KDM3A: variants seen among roughly 807,000 people sequenced by gnomAD.
KDM3A encodes lysine demethylase 3A, also known as lysine-specific demethylase 3A.
A neutral mutation model predicts 158.0 loss-of-function variants in KDM3A; 60 were observed. The observed-to-expected ratio is 0.38, with a 90% confidence interval of 0.31 to 0.47. The LOEUF (loss-of-function observed/expected upper bound fraction) is 0.47, where lower values mean the gene tolerates loss of function less well. KDM3A is among the 20% of genes least tolerant of loss of function. The pLI, the probability that KDM3A is intolerant of heterozygous loss-of-function variation, is 0.99. For synonymous variants in KDM3A, 608 were observed against 549.3 expected, an observed-to-expected ratio of 1.11 and a Z score of -1.49; for missense variants, 1,319 against 1,574.3, an observed-to-expected ratio of 0.84 and a Z score of 2.74.
chr2:86,469,042 C>A (rs1673281950), intron 10 of KDM3A, among the ~76,000 whole-genome samples: 1 of 152,156 alleles, frequency 6.6e-6, no homozygotes. Context: ...CATCCTTGAA[C>A]TACTAATCTC....
Position 86,448,212 on chromosome 2 carries a change from G to A in KDM3A, c.187-1595G>A, listed in dbSNP as rs907175446. On this transcript the variant is annotated intron_variant, in intron 2 of 25. Coordinates refer to ENST00000312912, the MANE Select transcript of KDM3A (RefSeq NM_018433.6). Reference sequence around the variant, plus strand: ...AGGTAAAGTCGCCTGGGAGGTTAGGGATGCATGTTTTGTTGGCTGAGAAGG... The same window carrying A: ...AGGTAAAGTCGCCTGGGAGGTTAGGAATGCATGTTTTGTTGGCTGAGAAGG... 2.0e-5 allele frequency among the ~76,000 whole-genome samples: 3 copies of A among 152,212 alleles called. 1 individual carries two copies. The South Asian group carries it at 6.2e-4, about 31-fold the overall frequency.
At chr2:86,476,466 C>T (rs1673664388) in intron 12 of KDM3A, among the ~76,000 whole-genome samples, 1 of 152,160 alleles carries the variant, frequency 6.6e-6, no homozygotes, top group Non-Finnish European at 1.5e-5. Context: ...TCCTGTTGCT[C>T]TTTCTTTTCT....
At chr2:86,484,739 A>T (rs1674101082) in intron 19 of KDM3A, 1 of 494,074 alleles carries the variant, frequency 2.0e-6, no homozygotes, top group African/African-American at 1.9e-5. Flanking sequence ...ATTTTTTTAC[A>T]CTGCAGAAAT....
chr2:86,489,283 T>C, intron 21 of KDM3A, 35 bp from the exon 22 acceptor site: 1 of 1,602,926 alleles, frequency 6.2e-7, no homozygotes, highest in Non-Finnish European at 8.5e-7. Context: ...GCCTTTGTTG[T>C]CTTTTGTAAA....
intron 21 of KDM3A, chr2:86,487,528 G>A (rs1674239000): frequency 6.6e-6 from 1 of 152,192 alleles, no homozygotes; most frequent in South Asian, 2.1e-4. Context: ...AGGACTTGCG[G>A]ACAGTAGAAG....
intron 3 of KDM3A, among the ~76,000 whole-genome samples, chr2:86,450,591 G>A (rs1672415337): frequency 6.6e-6 from 1 of 152,226 alleles, no homozygotes; most frequent in Non-Finnish European, 1.5e-5. Flanking sequence ...TATGGGACTT[G>A]AGCTGGTGCT....
intron 16 of KDM3A, among the ~76,000 whole-genome samples, chr2:86,481,007 T>C (rs1001403921): frequency 2.0e-5 from 3 of 152,142 alleles, no homozygotes; most frequent in Non-Finnish European, 4.4e-5. Flanking sequence ...GTAAGACAAT[T>C]AGCAAGTGGC....
chr2:86,471,034 G>T (rs1011822096), intron 11 of KDM3A, among the ~76,000 whole-genome samples: 17 of 152,128 alleles, frequency 1.1e-4, no homozygotes, highest in African/African-American at 3.4e-4. Context: ...GTCAGAAGGT[G>T]TGTGTGTTTT....
chr2:86,455,247 A>G (rs533854706), intron 5 of KDM3A, 60 bp downstream of exon 5: 27 of 936,932 alleles, frequency 2.9e-5, no homozygotes, highest in Non-Finnish European at 4.1e-5. Context: ...CTTGTGAGAA[A>G]CTAGGGTTTA....
At chr2:86,457,764 A>G (rs550715776) in intron 8 of KDM3A, among the ~76,000 whole-genome samples, 3 of 152,188 alleles carry the variant, frequency 2.0e-5, no homozygotes, top group Non-Finnish European at 4.4e-5. Flanking sequence ...TTAATTGGTC[A>G]TTTATGATTG....
At chr2:86,439,936 C>T (rs190821059), upstream of KDM3A, among the ~76,000 whole-genome samples, 169 of 152,268 alleles carry the variant, frequency 1.1e-3, 1 homozygote, top group Non-Finnish European at 1.4e-3. Flanking sequence ...TGCTTATGGT[C>T]AATTTATAGC....
At chr2:86,437,163 CAG>C (rs1682506583), upstream of KDM3A, among the ~76,000 whole-genome samples, 1 of 150,904 alleles carries the variant, frequency 6.6e-6, no homozygotes, top group African/African-American at 2.4e-5. Flanking sequence ...TTTTTTGAGA[CAG>C]AGTCTTGCTT....
At position 86,459,728 on chromosome 2, in the gene KDM3A, CT is replaced by C. The variant is rs562164426; in HGVS notation, c.843+2658del. ...GCATATAGACATATATGATATGATCCTGTCTCCTTGATTCAAATTCTTGCAA... is the reference window on the plus strand; with the variant it reads ...GCATATAGACATATATGATATGATCCGTCTCCTTGATTCAAATTCTTGCAA... On this transcript the variant is annotated intron_variant, in intron 8 of 25. Coordinates refer to ENST00000312912, the MANE Select transcript of KDM3A (RefSeq NM_018433.6). Among the ~76,000 whole-genome samples, 940 of 152,218 alleles carry C rather than the reference CT, an allele frequency of 6.2e-3. 6 individuals are homozygous for C. The highest frequency in any genetic ancestry group is 0.02 in the Middle Eastern group (6 of 294).
At chr2:86,479,608 A>G (rs1308984736) in intron 15 of KDM3A, 4 of 152,204 alleles carry the variant, frequency 2.6e-5, no homozygotes, top group South Asian at 2.1e-4. Context: ...CTTCTTATGT[A>G]TGTATAAACT....
In KDM3A at chr2:86,481,857, T is replaced by C. The variant is rs757313030; in HGVS notation, c.2513-73T>C. On this transcript the variant is annotated intron_variant, in intron 16 of 25. Coordinates refer to ENST00000312912, the MANE Select transcript of KDM3A (RefSeq NM_018433.6). ...TAGAAAGCAAGTTCTAAAGTAATTC[T>C]GCTAGTAGAATACTAATAAGGGATT... The C allele has an allele frequency of 3.5e-5, 40 of 1,146,936 alleles. No homozygotes were observed. The Admixed American group carries it at 7.1e-4, about 20-fold the overall frequency. 71.0% of individuals were successfully genotyped at this position (1,146,936 alleles called of 1,614,324 possible).
Position 86,456,629 on chromosome 2 carries a change from T to C in KDM3A, c.681+63T>C, listed in dbSNP as rs1672710853. The stretch of plus-strand genomic sequence containing the variant: ...AAAGCATGATAACTATACAAAGCAT[T>C]TATGATTTTCTAGGCACTAAATACC... On this transcript the variant is annotated intron_variant, in intron 6 of 25. Coordinates refer to ENST00000312912, the MANE Select transcript of KDM3A (RefSeq NM_018433.6). 4 of 1,503,404 alleles carry C rather than the reference T, an allele frequency of 2.7e-6. No homozygotes were observed. The East Asian group carries it at 6.8e-5, about 26-fold the overall frequency. 93.1% of individuals were successfully genotyped at this position (1,503,404 alleles called of 1,614,324 possible). A position where few individuals can be genotyped will look rare whatever the true frequency, so the allele number is the denominator to read the frequency against.
intron 11 of KDM3A, among the ~76,000 whole-genome samples, chr2:86,474,132 C>T (rs900675256): frequency 3.3e-5 from 5 of 152,270 alleles, no homozygotes; most frequent in African/African-American, 1.2e-4. Context: ...TTTCCTTGCT[C>T]TTAAGTGTCA....
At chr2:86,451,951 CATT>C (rs760938892) in intron 4 of KDM3A, among the ~76,000 whole-genome samples, 10 of 152,162 alleles carry the variant, frequency 6.6e-5, no homozygotes, top group Non-Finnish European at 1.5e-4. Context: ...AAGCAATCCT[CATT>C]ATTTGTAGAT....
At chr2:86,486,203 G>A (rs973973370) in intron 21 of KDM3A, among the ~76,000 whole-genome samples, 1 of 152,114 alleles carries the variant, frequency 6.6e-6, no homozygotes, top group Non-Finnish European at 1.5e-5. Context: ...TTCAGTGTTC[G>A]GACATTTAGG....
Sources: allele counts gnomAD v4.1 joint callset (sites outside exome capture counted in the v4.1 genomes callset), GRCh38; gene constraint gnomAD v4.1.1; transcripts MANE v1.5; gene names NCBI Gene and HGNC (gene_info 2026-07-23, HGNC 2026-07-21).